NPAS3: variants seen among roughly 807,000 people sequenced by gnomAD.
NPAS3 encodes the protein neuronal PAS domain protein 3.
A neutral mutation model predicts 73.1 loss-of-function variants in NPAS3; 14 were observed. The observed-to-expected ratio is 0.19, with a 90% confidence interval of 0.13 to 0.30. The LOEUF (loss-of-function observed/expected upper bound fraction) is 0.30, where lower values mean the gene tolerates loss of function less well. NPAS3 is among the 10% of genes least tolerant of loss of function. NPAS3 has a pLI of 1.00. For missense variants in NPAS3, 1,096 were observed against 1,250.0 expected, an observed-to-expected ratio of 0.88 and a Z score of 1.86; for synonymous variants, 620 against 541.5, an observed-to-expected ratio of 1.14 and a Z score of -2.01.
At chr14:33,696,315 T>A (rs190741655) in intron 6 of NPAS3, among the ~76,000 whole-genome samples, 2 of 152,346 alleles carry the variant, frequency 1.3e-5, no homozygotes, top group Admixed American at 1.3e-4. Flanking sequence ...CGTATTCTAC[T>A]CCTGGTTCTG....
intron 3 of NPAS3, among the ~76,000 whole-genome samples, chr14:33,300,281 A>C (rs1034969229): frequency 6.6e-6 from 1 of 152,218 alleles, no homozygotes; most frequent in Admixed American, 6.5e-5. Context: ...TTACAGTCTG[A>C]GGTTTGCAAG....
chr14:32,937,607 TACC>T (rs748572428), upstream of NPAS3, among the ~76,000 whole-genome samples: 4 of 152,218 alleles, frequency 2.6e-5, no homozygotes, highest in Non-Finnish European at 5.9e-5. Context: ...TAAACACCTC[TACC>T]ACGAAAAACA....
In NPAS3 at chr14:33,628,623, G is replaced by A. The variant is rs188394131; in HGVS notation, c.559-47588G>A. Among the ~76,000 whole-genome samples, 30 of 152,304 alleles carry A rather than the reference G, an allele frequency of 2.0e-4. No individual in the cohort carries two copies. The East Asian group carries it at 5.0e-3, about 26-fold the overall frequency. ...TGAGCTGGTTGGTCCACTGTTTCACGTGTTTAAGCCCAAAGATTATGTCAA... is the reference window on the plus strand; with the variant it reads ...TGAGCTGGTTGGTCCACTGTTTCACATGTTTAAGCCCAAAGATTATGTCAA... On this transcript the variant is annotated intron_variant, in intron 5 of 11. Transcript: ENST00000356141.
At chr14:33,349,426 T>C (rs940560149) in intron 3 of NPAS3, among the ~76,000 whole-genome samples, 5 of 152,200 alleles carry the variant, frequency 3.3e-5, no homozygotes, top group Non-Finnish European at 7.3e-5. Flanking sequence ...TTGACCGTAT[T>C]TTATTTAACA....
At chr14:33,212,608 A>T (rs1231757545) in intron 2 of NPAS3, among the ~76,000 whole-genome samples, 2 of 152,184 alleles carry the variant, frequency 1.3e-5, no homozygotes, top group African/African-American at 4.8e-5. Flanking sequence ...CCATCTCCCT[A>T]GTATCTATCC....
intron 1 of NPAS3, among the ~76,000 whole-genome samples, chr14:32,959,550 ACTT>A (rs759525480): frequency 6.6e-6 from 1 of 152,184 alleles, no homozygotes; most frequent in Non-Finnish European, 1.5e-5. Flanking sequence ...CCAGTTTAAA[ACTT>A]CTTTTCTTTC....
At chr14:33,202,122 C>T (rs1409428373) in intron 2 of NPAS3, among the ~76,000 whole-genome samples, 1 of 151,966 alleles carries the variant, frequency 6.6e-6, no homozygotes, top group African/African-American at 2.4e-5. Flanking sequence ...TGTTACTGGG[C>T]CTAGTGTGTT....
intron 9 of NPAS3, among the ~76,000 whole-genome samples, chr14:33,778,850 C>A (rs1235754856): frequency 6.6e-6 from 1 of 152,202 alleles, no homozygotes; most frequent in East Asian, 1.9e-4. Context: ...GGTGGGGAAA[C>A]CTTTGTCTTA....
Position 33,751,866 on chromosome 14 carries a change from C to T in NPAS3, c.852+16534C>T, listed in dbSNP as rs114079436. On this transcript the variant is annotated intron_variant, in intron 7 of 11. Coordinates refer to ENST00000356141, the Ensembl canonical transcript of NPAS3. Reference sequence around the variant, plus strand: ...TGTCACATCAGTTACAAGTGATCTGCGATTAAAACAACAGTTCTCAAGTGA... The same window carrying T: ...TGTCACATCAGTTACAAGTGATCTGTGATTAAAACAACAGTTCTCAAGTGA... Among the ~76,000 whole-genome samples the T allele has an allele frequency of 6.7e-3, 1,025 of 152,096 alleles. 14 individuals carry two copies. Among genetic ancestry groups the T allele is most frequent in the African/African-American group, 0.023 (965 of 41,488 alleles).
intron 2 of NPAS3, among the ~76,000 whole-genome samples, chr14:33,211,535 C>A (rs1012361461): frequency 6.6e-6 from 1 of 152,116 alleles, no homozygotes; most frequent in Non-Finnish European, 1.5e-5. Context: ...ACCTGGGTGA[C>A]AGAGTGGGAC....
chr14:33,375,794 T>G (rs2046288439), intron 4 of NPAS3, among the ~76,000 whole-genome samples: 1 of 152,162 alleles, frequency 6.6e-6, no homozygotes, highest in Non-Finnish European at 1.5e-5. Context: ...AACTAAAATA[T>G]GTATATGAAT....
intron 5 of NPAS3, among the ~76,000 whole-genome samples, chr14:33,563,537 C>CACACACACACACACACACAGAG: frequency 8.4e-6 from 1 of 119,652 alleles, no homozygotes. Context: ...CACACACACA[C>CACACACACACACACACACAGAG]AGAGAGAGAG....
chr14:32,979,633 A>G (rs1465726443), intron 1 of NPAS3, among the ~76,000 whole-genome samples: 1 of 152,192 alleles, frequency 6.6e-6, no homozygotes, highest in Non-Finnish European at 1.5e-5. Context: ...TTTGGGCCTG[A>G]GGGCTGCAAT....
intron 5 of NPAS3, among the ~76,000 whole-genome samples, chr14:33,622,323 G>T (rs1389146255): frequency 2.7e-5 from 4 of 150,070 alleles, no homozygotes; most frequent in African/African-American, 9.8e-5. Context: ...AAAAAAAAAA[G>T]CCATTTTACT....
chr14:33,099,870 C>G (rs2042532194), intron 2 of NPAS3, among the ~76,000 whole-genome samples: 1 of 152,102 alleles, frequency 6.6e-6, no homozygotes, highest in Admixed American at 6.5e-5. Flanking sequence ...TTCTCAGATT[C>G]TTGTATTTGA....
chr14:33,554,451 C>T (rs1326597865), intron 4 of NPAS3, among the ~76,000 whole-genome samples: 1 of 152,094 alleles, frequency 6.6e-6, no homozygotes, highest in Non-Finnish European at 1.5e-5. Flanking sequence ...CACATGCATG[C>T]ATTTAAATCA....
At chr14:33,784,741 A>ATTTATTTATTTTTTATTT (rs1555333492) in intron 9 of NPAS3, among the ~76,000 whole-genome samples, 4 of 72,770 alleles carry the variant, frequency 5.5e-5, no homozygotes, top group Admixed American at 1.4e-4. Context: ...TTATTTATTT[A>ATTTATTTATTTTTTATTT]TTTATTTTTT....
intron 8 of NPAS3, among the ~76,000 whole-genome samples, 176 bp downstream of exon 8, chr14:33,774,706 T>C (rs1459568563): frequency 6.6e-6 from 1 of 152,204 alleles, no homozygotes; most frequent in Non-Finnish European, 1.5e-5. Context: ...TTTACATTGC[T>C]GCCCTGATTT....
intron 4 of NPAS3, among the ~76,000 whole-genome samples, chr14:33,541,292 G>C (rs2054507789): frequency 6.6e-6 from 1 of 152,152 alleles, no homozygotes; most frequent in African/African-American, 2.4e-5. Flanking sequence ...TCTTGGGCCA[G>C]AAAATGGGTT....
Sources: gnomAD v4.1 joint callset for allele counts (sites outside exome capture counted in the v4.1 genomes callset) on GRCh38, gnomAD v4.1.1 for gene constraint, MANE v1.5 for transcripts, NCBI Gene and HGNC (gene_info 2026-07-23, HGNC 2026-07-21) for gene names.